Variants in MYL6B observed in about 807,000 individuals in gnomAD.
MYL6B encodes the protein myosin alkali light chain 1 slow a.
In MYL6B, 19 loss-of-function variants were observed where a neutral mutation model predicts 24.5. The ratio of observed to expected loss-of-function variants is 0.78; its 90% confidence interval spans 0.54 to 1.14. The LOEUF is 1.14. Among genes scored for constraint, MYL6B ranks in the 50% most tolerant of loss-of-function variants. MYL6B has a pLI of 0.00. For missense variants in MYL6B, 230 were observed against 263.8 expected (o/e 0.87, Z 0.89); for synonymous variants, 90 against 100.7 (o/e 0.89, Z 0.64).
intron 3 of MYL6B, 58 bp downstream of exon 3, chr12:56,154,898 C>T (rs909358596): frequency 1.3e-5 from 21 of 1,593,094 alleles, no homozygotes; most frequent in Admixed American, 1.8e-5. Flanking sequence ...GTCAGATTCT[C>T]TTTCTATTCC....
exon 7 of MYL6B, chr12:56,157,802 T>A: frequency 1.3e-6 from 2 of 1,559,756 alleles, no homozygotes; most frequent in Non-Finnish European, 1.7e-6. Context: ...TCAGCCAACA[T>A]AGAAAAGCAG....
chr12:56,157,274 C>G (rs1871358603), intron 5 of MYL6B, 194 bp from the exon 6 acceptor site: 1 of 561,192 alleles, frequency 1.8e-6, no homozygotes. Context: ...ATCCCAGCTA[C>G]TCGGGAGGGT....
intron 1 of MYL6B, chr12:56,153,287 A>C: frequency 6.6e-6 from 2 of 304,098 alleles, no homozygotes; most frequent in Non-Finnish European, 9.7e-6. Context: ...TTTTATGACT[A>C]TTCTTCCTTT....
intron 5 of MYL6B, chr12:56,156,264 T>C (rs1369587540): frequency 6.7e-6 from 1 of 149,430 alleles, no homozygotes; most frequent in Admixed American, 6.5e-5. Context: ...CGAGAGATCA[T>C]GCCACTGTAC....
exon 4 of MYL6B, chr12:56,155,162 G>A (rs764922973): frequency 5.0e-6 from 8 of 1,613,708 alleles, no homozygotes; most frequent in Admixed American, 1.7e-5. Context: ...CACCAACGCC[G>A]AGGTGCTCAA....
At chr12:56,154,089 G>T in exon 2 of MYL6B, 1 of 1,610,280 alleles carries the variant, frequency 6.2e-7, no homozygotes. Flanking sequence ...TCTCCAAAGT[G>T]GTGGTGAGTC....
At chr12:56,155,388 G>A (rs892202769) in intron 4 of MYL6B, 31 bp from the exon 5 acceptor site, 4 of 1,614,016 alleles carry the variant, frequency 2.5e-6, no homozygotes, top group Non-Finnish European at 3.4e-6. Context: ...ATACTACAAT[G>A]ACCTCTCCTT....
chr12:56,154,922 C>A, intron 3 of MYL6B, 82 bp downstream of exon 3: 1 of 1,577,162 alleles, frequency 6.3e-7, no homozygotes. Context: ...AACCCCAGTC[C>A]TGACCTTGAA....
At chr12:56,157,644 A>G in intron 6 of MYL6B, 54 bp from the exon 7 acceptor site, 1 of 1,613,342 alleles carries the variant, frequency 6.2e-7, no homozygotes, top group East Asian at 2.2e-5. Context: ...CTAGAGTCAG[A>G]TGTATTATCC....
At chr12:56,155,739 G>C in intron 5 of MYL6B, 147 bp downstream of exon 5, 1 of 1,539,620 alleles carries the variant, frequency 6.5e-7, no homozygotes, top group African/African-American at 1.4e-5. Flanking sequence ...AGAGCTATGG[G>C]GGTAGAATCT....
intron 1 of MYL6B, chr12:56,153,595 C>A: frequency 2.1e-6 from 1 of 478,750 alleles, no homozygotes; most frequent in Non-Finnish European, 2.8e-6. Context: ...CACTGGCAAG[C>A]ATCCTATCCT....
intron 5 of MYL6B, chr12:56,157,075 T>G: frequency 6.4e-6 from 1 of 155,266 alleles, no homozygotes; most frequent in South Asian, 1.7e-4. Flanking sequence ...ATTACAATTG[T>G]TATGTTTATA....
Position 56,154,051 on chromosome 12 carries a change from CAG to C in MYL6B, c.135_136del (p.Lys46AsnfsTer16), listed in dbSNP as rs749650009. 1 of 1,613,946 alleles carries C rather than the reference CAG, an allele frequency of 6.2e-7. No homozygotes were observed. The highest frequency in any genetic ancestry group is 2.2e-5 in the East Asian group (1 of 44,878). ...TGAGCCAGCTGTCCCCCAGGCCCCT[CAG>C]AAAACCCAGGAGCCTCCAGTCGATC... On this transcript the variant is annotated frameshift_variant, in exon 2 of 7. Transcript: ENST00000553066. LOFTEE classifies it high-confidence loss of function.
intron 1 of MYL6B, chr12:56,153,654 C>T: frequency 2.8e-6 from 1 of 355,446 alleles, no homozygotes. Flanking sequence ...GGCTTCCTCC[C>T]CTACCCCTAA....
exon 7 of MYL6B, chr12:56,157,925 T>A: frequency 3.2e-6 from 2 of 621,872 alleles, no homozygotes; most frequent in East Asian, 5.6e-5. Flanking sequence ...CGAAAGCACG[T>A]TCCAGCCACC....
chr12:56,157,717 A>T, exon 7 of MYL6B: 1 of 1,612,400 alleles, frequency 6.2e-7, no homozygotes. Context: ...AACACATCCT[A>T]AGCGTCTGAG....
At chr12:56,153,547 G>A (rs1288079925) in intron 1 of MYL6B, 1 of 922,422 alleles carries the variant, frequency 1.1e-6, no homozygotes. Flanking sequence ...TAAAGCTGCT[G>A]GATCACCTGC....
At chr12:56,153,151 G>A (rs1871171621) in intron 1 of MYL6B, among the ~76,000 whole-genome samples, 2 of 152,088 alleles carry the variant, frequency 1.3e-5, no homozygotes, top group South Asian at 2.1e-4. Flanking sequence ...TTGAATGACC[G>A]TGGGCTTGTG....
rs571209986 is a variant in MYL6B at position 56,157,316 on chromosome 12, G to A, written c.521-152G>A. ...GGAGAATCGCGTGAACACGGGAGGC[G>A]GAGGTTGCAGTGAGCCGAGATCGCT... On this transcript the variant is annotated intron_variant, in intron 5 of 6. Coordinates refer to ENST00000553066, the Ensembl canonical transcript of MYL6B. The A allele has an allele frequency of 1.5e-4, 101 of 657,864 alleles. 1 individual carries two copies. Among genetic ancestry groups the A allele is most frequent in the South Asian group, 4.9e-4 (25 of 51,344 alleles). 40.8% of individuals were successfully genotyped at this position (657,864 alleles called of 1,614,324 possible). A position where few individuals can be genotyped will look rare whatever the true frequency, so the allele number is the denominator to read the frequency against.
Sources: allele counts gnomAD v4.1 joint callset (sites outside exome capture counted in the v4.1 genomes callset), GRCh38; gene constraint gnomAD v4.1.1; transcripts MANE v1.5; gene names NCBI Gene and HGNC (gene_info 2026-07-23, HGNC 2026-07-21).